The following PAMR1 variants were observed in gnomAD, a reference collection of about 807,000 sequenced individuals.
PAMR1 encodes peptidase domain containing associated with muscle regeneration 1.
Under a neutral mutation model 81.8 loss-of-function variants are expected in PAMR1, and 88 were observed. The observed-to-expected ratio is 1.08, with a 90% CI of 0.91 to 1.28. The LOEUF (loss-of-function observed/expected upper bound fraction) is 1.28. PAMR1 is among the 50% of genes most tolerant of loss of function. The pLI, the probability that PAMR1 is intolerant of heterozygous loss-of-function variation, is 0.00. For missense variants in PAMR1, 935 were observed against 919.7 expected (o/e 1.02, Z -0.21); for synonymous variants, 336 against 345.3 (o/e 0.97, Z 0.30).
intron 6 of PAMR1, among the ~76,000 whole-genome samples, chr11:35,454,358 T>C (rs1565332841): frequency 6.6e-6 from 1 of 152,186 alleles, no homozygotes; most frequent in Admixed American, 6.5e-5. Context: ...CTGTAGGCAA[T>C]GACTGATGGA....
intron 6 of PAMR1, among the ~76,000 whole-genome samples, chr11:35,464,350 G>A (rs1856719331): frequency 6.6e-6 from 1 of 152,102 alleles, no homozygotes; most frequent in Non-Finnish European, 1.5e-5. Context: ...TCCATAACAT[G>A]GGGACTGAAA....
intron 6 of PAMR1, among the ~76,000 whole-genome samples, chr11:35,466,057 A>C (rs994231489): frequency 6.6e-6 from 1 of 150,436 alleles, no homozygotes; most frequent in Non-Finnish European, 1.5e-5. Context: ...GTGATGTTTT[A>C]CTTCTTTCCA....
intron 1 of PAMR1, among the ~76,000 whole-genome samples, chr11:35,520,178 G>C (rs626301): frequency 0.4 from 61,440 of 151,954 alleles, 13,442 homozygotes; most frequent in East Asian, 0.69. Flanking sequence ...ATTGATGATT[G>C]TATCATCAAG....
Position 35,441,562 on chromosome 11 carries a change from A to G in PAMR1, c.952T>C (p.Ser318Pro), listed in dbSNP as rs776657487. The G allele has an allele frequency of 1.2e-6, 2 of 1,613,934 alleles. No homozygotes were observed. The highest frequency in any genetic ancestry group is 2.2e-5 in the East Asian group (1 of 44,884). ...TTCTCATTGCCACTAAGAACATAGG[A>G]GTTGTTACAAAAGAAAGACACCACG... ...GTVVSFFCNN[S>P]YVLSGNEKRT... Residue 318 changes from serine to proline, a missense_variant, in exon 7 of 11, where the codon TCC (serine) becomes CCC (proline). Ser to Pro is a moderately conservative substitution (Grantham distance 74). Coordinates refer to ENST00000619888, the MANE Select transcript of PAMR1 (RefSeq NM_001001991.3).
intron 5 of PAMR1, 67 bp downstream of exon 5, chr11:35,470,534 G>C: frequency 8.4e-7 from 1 of 1,183,704 alleles, no homozygotes; most frequent in Non-Finnish European, 1.3e-6. Context: ...GAAAGGAAGG[G>C]ACATGGAAAG....
intron 1 of PAMR1, among the ~76,000 whole-genome samples, chr11:35,509,084 A>G (rs1851029180): frequency 6.6e-6 from 1 of 152,212 alleles, no homozygotes. Flanking sequence ...CTATATTTGC[A>G]AAAATAAAAC....
upstream of PAMR1, among the ~76,000 whole-genome samples, chr11:35,527,663 T>A (rs1300347353): frequency 6.6e-6 from 1 of 152,146 alleles, no homozygotes; most frequent in Non-Finnish European, 1.5e-5. Context: ...AGTTCCCAAA[T>A]AACTGTAGGC....
chr11:35,440,578 G>A (rs977627977), intron 7 of PAMR1, among the ~76,000 whole-genome samples: 1 of 152,150 alleles, frequency 6.6e-6, no homozygotes, highest in Non-Finnish European at 1.5e-5. Flanking sequence ...TTTCTTCCCA[G>A]TAAACAGCCA....
intron 6 of PAMR1, among the ~76,000 whole-genome samples, chr11:35,442,086 G>C (rs949829639): frequency 6.6e-6 from 1 of 152,106 alleles, no homozygotes; most frequent in Non-Finnish European, 1.5e-5. Flanking sequence ...ATTCTTTAAA[G>C]CTTGGGCAAT....
Position 35,443,380 on chromosome 11 carries a change from C to A in PAMR1, c.821-1687G>T, listed in dbSNP as rs147342373. Among the ~76,000 whole-genome samples the A allele has an allele frequency of 3.6e-3, 555 of 152,226 alleles. 5 individuals carry two copies. Among genetic ancestry groups the A allele is most frequent in the African/African-American group, 0.012 (508 of 41,524 alleles). ...CCTCCCCTCACAACCCCCTGATAGGCCCCAGTGTGTGTTATTCCCCTCCCT... is the reference window on the plus strand; with the variant it reads ...CCTCCCCTCACAACCCCCTGATAGGACCCAGTGTGTGTTATTCCCCTCCCT... On this transcript the variant is annotated intron_variant, in intron 6 of 10. Transcript: ENST00000619888.
At chr11:35,508,616 G>A (rs942775387) in intron 1 of PAMR1, among the ~76,000 whole-genome samples, 9 of 147,962 alleles carry the variant, frequency 6.1e-5, no homozygotes, top group African/African-American at 2.2e-4. Context: ...CAGGTTTGGT[G>A]TACAGATTAT....
At chr11:35,499,874 C>T (rs749396557) in intron 1 of PAMR1, among the ~76,000 whole-genome samples, 1 of 152,174 alleles carries the variant, frequency 6.6e-6, no homozygotes, top group Non-Finnish European at 1.5e-5. Context: ...AGATGAGAGG[C>T]ATATGCTGTA....
upstream of PAMR1, chr11:35,525,646 CG>C (rs1851373553): frequency 8.2e-6 from 12 of 1,467,124 alleles, 1 homozygote; most frequent in East Asian, 1.4e-4. Context: ...CCAGGGAGGC[CG>C]GGGGCAGGCG....
At chr11:35,499,765 T>G (rs930511125) in intron 1 of PAMR1, among the ~76,000 whole-genome samples, 2 of 152,224 alleles carry the variant, frequency 1.3e-5, no homozygotes, top group Non-Finnish European at 2.9e-5. Context: ...ACTTCATTAT[T>G]ATTTACTTTA....
intron 3 of PAMR1, among the ~76,000 whole-genome samples, chr11:35,481,681 C>T (rs1850395958): frequency 6.6e-6 from 1 of 152,124 alleles, no homozygotes; most frequent in Non-Finnish European, 1.5e-5. Flanking sequence ...TGCCACCACA[C>T]CCAGCTAATT....
At chr11:35,504,738 T>C (rs1382522310) in intron 1 of PAMR1, among the ~76,000 whole-genome samples, 1 of 148,402 alleles carries the variant, frequency 6.7e-6, no homozygotes, top group African/African-American at 2.5e-5. Context: ...TTTTCATTTC[T>C]AATTTTATTT....
intron 6 of PAMR1, among the ~76,000 whole-genome samples, chr11:35,457,099 A>G (rs534390368): frequency 1.8e-4 from 27 of 152,328 alleles, no homozygotes; most frequent in African/African-American, 6.3e-4. Flanking sequence ...AGACTGGATC[A>G]TGAAATGCCA....
At chr11:35,473,109 C>T (rs36048818) in intron 4 of PAMR1, among the ~76,000 whole-genome samples, 53,750 of 151,810 alleles carry the variant, frequency 0.35, 10,474 homozygotes, top group African/African-American at 0.53. Context: ...ATTTTTCAAG[C>T]AGGAAAATAG....
chr11:35,468,748 T>C (rs1856801026), intron 5 of PAMR1, among the ~76,000 whole-genome samples: 1 of 152,226 alleles, frequency 6.6e-6, no homozygotes. Context: ...ATATACATTG[T>C]GAATTTCAAG....
Sources: allele counts gnomAD v4.1 joint callset (sites outside exome capture counted in the v4.1 genomes callset), GRCh38; gene constraint gnomAD v4.1.1; transcripts MANE v1.5; gene names NCBI Gene and HGNC (gene_info 2026-07-23, HGNC 2026-07-21).